Variants in WASHC2C observed in about 807,000 individuals in gnomAD.
WASHC2C encodes the protein Vaccinia Penetration Factor.
A neutral mutation model predicts 142.2 loss-of-function variants in WASHC2C; 73 were observed. The ratio of observed to expected loss-of-function variants is 0.51; its 90% CI spans 0.43 to 0.62. WASHC2C has a LOEUF of 0.62. WASHC2C is among the 20% of genes least tolerant of loss of function. The pLI is 0.00. For missense variants in WASHC2C, 969 were observed against 1,531.7 expected, an observed-to-expected ratio of 0.63 and a Z score of 6.13; for synonymous variants, 337 against 565.5, an observed-to-expected ratio of 0.60 and a Z score of 5.73.
chr10:45,789,502 T>A lies in WASHC2C; in HGVS notation c.3708+11T>A, dbSNP rs2058267961. 1 of 1,612,074 alleles carries A rather than the reference T, an allele frequency of 6.2e-7. No individual in the cohort carries two copies. The highest frequency in any genetic ancestry group is 1.3e-5 in the African/African-American group (1 of 74,990). ...CAAGATATTTTTGAGGTAATAGGAC[T>A]TAACACGTTTTTGTGTCTGTTCTAA... On this transcript the variant is annotated intron_variant, in intron 29 of 30. Coordinates refer to ENST00000623400, the MANE Select transcript of WASHC2C (RefSeq NM_001330074.2).
intron 20 of WASHC2C, among the ~76,000 whole-genome samples, chr10:45,769,853 C>A (rs2056394175): frequency 6.6e-6 from 1 of 151,248 alleles, no homozygotes; most frequent in Non-Finnish European, 1.5e-5. Flanking sequence ...TAACCATATT[C>A]TTTTTCTTTG....
At chr10:45,783,987 C>G (rs2057719963) in intron 23 of WASHC2C, among the ~76,000 whole-genome samples, 1 of 151,894 alleles carries the variant, frequency 6.6e-6, no homozygotes, top group Non-Finnish European at 1.5e-5. Flanking sequence ...CTTTGGCCTG[C>G]AGTGCTTACA....
intron 28 of WASHC2C, 95 bp downstream of exon 28, chr10:45,787,342 T>A: frequency 7.3e-7 from 1 of 1,378,638 alleles, no homozygotes. Flanking sequence ...CAGCAGTCTT[T>A]GACTCTCCTT....
At chr10:45,733,657 G>A (rs2050875177) in intron 3 of WASHC2C, among the ~76,000 whole-genome samples, 1 of 152,204 alleles carries the variant, frequency 6.6e-6, no homozygotes. Context: ...CATGGGTTTA[G>A]GTTTCTTAGA....
intron 3 of WASHC2C, among the ~76,000 whole-genome samples, chr10:45,729,722 G>A (rs2050312181): frequency 6.7e-6 from 1 of 149,738 alleles, no homozygotes; most frequent in East Asian, 2.0e-4. Flanking sequence ...GTTTCTCATA[G>A]GGTGTCCCAA....
At position 45,755,098 on chromosome 10, in the gene WASHC2C, G is replaced by A. The variant is rs1342281715; in HGVS notation, c.1403G>A (p.Ser468Asn). 2.5e-6 allele frequency: 4 copies of A among 1,609,084 alleles called. No individual in the cohort carries two copies. Among genetic ancestry groups the A allele is most frequent in the Middle Eastern group, 2.2e-4 (1 of 4,450 alleles). ...DDDDFFSAPH[S>N]KPSKTRKVQS... Reference sequence around the variant, plus strand: ...GACGACTTTTTCTCGGCACCCCACAGCAAACCTTCTAAAACACGTATGTGT... The same window carrying A: ...GACGACTTTTTCTCGGCACCCCACAACAAACCTTCTAAAACACGTATGTGT... The change falls in exon 15 of 31, where the codon AGC (serine) becomes AAC (asparagine). Residue 468 changes from serine (S) to asparagine (N), a missense_variant. By Grantham distance (46) the Ser-to-Asn change is conservative (BLOSUM62 1). Transcript: ENST00000623400.
intron 15 of WASHC2C, 53 bp from the exon 16 acceptor site, chr10:45,756,959 T>C (rs1163552985): frequency 6.9e-7 from 1 of 1,458,008 alleles, no homozygotes; most frequent in African/African-American, 1.4e-5. Flanking sequence ...CTGTGAATTT[T>C]GTGATAGGAT....
intron 5 of WASHC2C, among the ~76,000 whole-genome samples, chr10:45,741,765 G>A (rs1326082921): frequency 6.6e-6 from 1 of 151,350 alleles, no homozygotes; most frequent in African/African-American, 2.4e-5. Context: ...GGAGGTAGGA[G>A]GCTGTGCAAG....
chr10:45,777,205 G>C, intron 21 of WASHC2C, 68 bp from the exon 22 acceptor site: 1 of 1,066,952 alleles, frequency 9.4e-7, no homozygotes, highest in Non-Finnish European at 1.4e-6. Context: ...GGCTTGTTCT[G>C]TATATGGCCA....
At chr10:45,739,364 G>A (rs1434689072) in intron 4 of WASHC2C, among the ~76,000 whole-genome samples, 5 of 150,394 alleles carry the variant, frequency 3.3e-5, no homozygotes, top group East Asian at 2.0e-4. Context: ...TGTAGAGGGG[G>A]AAATGACACT....
Position 45,743,424 on chromosome 10 carries a change from T to C in WASHC2C, c.563T>C (p.Ile188Thr), listed in dbSNP as rs368045657. 291 of 1,611,914 alleles carry C rather than the reference T, an allele frequency of 1.8e-4. 1 individual carries two copies. The Middle Eastern group carries it at 2.7e-3, about 15-fold the overall frequency. ...LYIDRPLPYLIGSKLFMEQED... is the reference protein window; with the variant it reads ...LYIDRPLPYLTGSKLFMEQED... Reference sequence around the variant, plus strand: ...ATTGATCGTCCTTTACCATATCTCATTGGGTCAAAGCTGTTCATGGAACAA... The same window carrying C: ...ATTGATCGTCCTTTACCATATCTCACTGGGTCAAAGCTGTTCATGGAACAA... The change falls in exon 6 of 31, where the codon ATT becomes ACT. Residue 188 changes from isoleucine to threonine, a missense_variant. Transcript: ENST00000623400.
chr10:45,752,181 A>T (rs1162181217), intron 11 of WASHC2C, among the ~76,000 whole-genome samples: 7 of 152,242 alleles, frequency 4.6e-5, no homozygotes, highest in African/African-American at 1.7e-4. Context: ...TCCTGCAAAC[A>T]GCCATGTCGA....
rs2058447705 is a variant in WASHC2C at position 45,792,605 on chromosome 10, GGTTT to G, written c.*210_*213del. ...CAAAAATAAATATTTCACAGTGGTT[GGTTT>G]GTTTTGTTTTTAAACCACAGTTTGA... On this transcript the variant is annotated 3_prime_UTR_variant, in exon 31 of 31. Coordinates refer to ENST00000623400, the MANE Select transcript of WASHC2C (RefSeq NM_001330074.2). The G allele has an allele frequency of 1.6e-6, 1 of 622,510 alleles. No homozygotes were observed. The highest frequency in any genetic ancestry group is 2.8e-6 in the Non-Finnish European group (1 of 352,274). 38.6% of individuals were successfully genotyped at this position (622,510 alleles called of 1,614,324 possible).
intron 6 of WASHC2C, among the ~76,000 whole-genome samples, chr10:45,743,998 C>T (rs1467914207): frequency 3.3e-5 from 5 of 151,418 alleles, no homozygotes; most frequent in Middle Eastern, 3.5e-3. Flanking sequence ...CTGCCCGCCT[C>T]GGCCTCCCAA....
chr10:45,765,954 G>A (rs2055749009), intron 19 of WASHC2C, 144 bp downstream of exon 19: 1 of 1,371,032 alleles, frequency 7.3e-7, no homozygotes, highest in African/African-American at 1.5e-5. Context: ...CTTTTCTGAA[G>A]GAAGACATTT....
intron 17 of WASHC2C, among the ~76,000 whole-genome samples, 173 bp from the exon 18 acceptor site, chr10:45,763,215 A>G (rs547921131): frequency 1.1e-3 from 163 of 152,134 alleles, no homozygotes; most frequent in African/African-American, 3.7e-3. Flanking sequence ...CACACCCTGC[A>G]CAGACCCTGA....
chr10:45,749,877 A>G (rs1404821941), intron 8 of WASHC2C, among the ~76,000 whole-genome samples: 1 of 128,774 alleles, frequency 7.8e-6, no homozygotes, highest in Non-Finnish European at 1.6e-5. Flanking sequence ...ATATATTTAT[A>G]TTTTATATAT....
At chr10:45,790,717 T>G (rs2058346242) in intron 30 of WASHC2C, among the ~76,000 whole-genome samples, 184 bp downstream of exon 30, 1 of 152,310 alleles carries the variant, frequency 6.6e-6, no homozygotes, top group Admixed American at 6.5e-5. Context: ...AAGTAACTCT[T>G]TCCTATGATA....
intron 23 of WASHC2C, among the ~76,000 whole-genome samples, chr10:45,784,244 GTGTGTGTGTATA>G (rs2057749837): frequency 7.7e-5 from 3 of 38,922 alleles, no homozygotes; most frequent in African/African-American, 2.4e-4. Context: ...ATATATATGT[GTGTGTGTGTATA>G]TATATATATA....
Sources: allele counts gnomAD v4.1 joint callset (sites outside exome capture counted in the v4.1 genomes callset), GRCh38; gene constraint gnomAD v4.1.1; transcripts MANE v1.5; gene names NCBI Gene and HGNC (gene_info 2026-07-23, HGNC 2026-07-21).